The following SMC6 variants were observed in gnomAD, a reference collection of about 807,000 sequenced individuals.
The protein encoded by SMC6 is structural maintenance of chromosomes protein 6.
A neutral mutation model predicts 142.2 loss-of-function variants in SMC6; 79 were observed. That is an observed-to-expected ratio of 0.56 (90% confidence interval 0.46 to 0.67). The LOEUF (loss-of-function observed/expected upper bound fraction) is 0.67. Among genes scored for constraint, SMC6 ranks in the 30% least tolerant of loss-of-function variants. The probability of loss-of-function intolerance (pLI) is 0.00; values close to 1 mark genes in which losing one functional copy is unlikely to be tolerated. For missense variants in SMC6, 1,072 were observed against 1,284.0 expected (o/e 0.83, Z 2.52); for synonymous variants, 411 against 412.4 (o/e 1.00, Z 0.04).
At chr2:17,693,024 T>G (rs1667805592) in intron 23 of SMC6, among the ~76,000 whole-genome samples, 1 of 152,174 alleles carries the variant, frequency 6.6e-6, no homozygotes, top group Admixed American at 6.5e-5. Flanking sequence ...TCACACCAGT[T>G]AGAATGGCGA....
In SMC6 at chr2:17,741,491, C is replaced by A. The variant is rs565824660; in HGVS notation, c.238+121G>T. On this transcript the variant is annotated intron_variant, in intron 4 of 27. Coordinates refer to ENST00000448223, the MANE Select transcript of SMC6 (RefSeq NM_001142286.2). ...CAAATACCAAGAATATTCATAACCA[C>A]AAGTTATACATCTATAGAAAAAATA... 30 of 617,776 alleles carry A rather than the reference C, an allele frequency of 4.9e-5. No homozygotes were observed. In the African/African-American group the frequency reaches 5.2e-4, roughly 11 times the overall value. The allele number at this position is 617,776 out of a possible 1,614,324, so 38.3% of individuals were successfully genotyped here.
intron 16 of SMC6, among the ~76,000 whole-genome samples, chr2:17,711,863 C>T (rs567535090): frequency 2.6e-5 from 4 of 152,272 alleles, no homozygotes; most frequent in South Asian, 4.1e-4. Flanking sequence ...AAATGATCCA[C>T]GCGATTCGGC....
rs147449975 is a variant in SMC6 at position 17,721,223 on chromosome 2, C to T, written c.765G>A (p.Glu255=). Residue 255 remains glutamate, a synonymous_variant, in exon 10 of 28, where the codon GAG becomes GAA. Coordinates refer to ENST00000448223, the MANE Select transcript of SMC6 (RefSeq NM_001142286.2). ...TELKRQCVEK[E]ERFQSIAGLS... ...AACCAGCAATACTTTGAAAACGTTC[C>T]TCTTTCTCTACACACTGGCGCTTTA... 228 of 1,611,152 alleles carry T rather than the reference C, an allele frequency of 1.4e-4. 2 individuals are homozygous for T. In the African/African-American group the frequency reaches 2.7e-3, roughly 19 times the overall value.
chr2:17,677,840 G>A (rs972293204), intron 25 of SMC6, among the ~76,000 whole-genome samples: 20 of 152,056 alleles, frequency 1.3e-4, no homozygotes, highest in Non-Finnish European at 2.4e-4. Context: ...TTCTAATATG[G>A]TTAAAATGCA....
At chr2:17,739,868 A>T (rs1203334969) in intron 4 of SMC6, among the ~76,000 whole-genome samples, 1 of 133,194 alleles carries the variant, frequency 7.5e-6, no homozygotes, top group South Asian at 2.5e-4. Flanking sequence ...ACACACACAG[A>T]GAATATGGTA....
Position 17,741,556 on chromosome 2 carries a change from G to T in SMC6, c.238+56C>A, listed in dbSNP as rs1006942472. 8 of 1,073,252 alleles carry T rather than the reference G, an allele frequency of 7.5e-6. No homozygotes were observed. In the African/African-American group the frequency reaches 1.3e-4, roughly 17 times the overall value. 66.5% of individuals were successfully genotyped at this position (1,073,252 alleles called of 1,614,324 possible). ...TAGTCACCTATTTCAAAAAGTTAAC[G>T]TACTCTAATCTCAAAGTACTGCTCA... On this transcript the variant is annotated intron_variant, in intron 4 of 27. Coordinates refer to ENST00000448223, the MANE Select transcript of SMC6 (RefSeq NM_001142286.2).
At chr2:17,738,073 T>A (rs1035536949) in intron 5 of SMC6, 148 bp downstream of exon 5, 9 of 582,484 alleles carry the variant, frequency 1.5e-5, no homozygotes, top group East Asian at 5.7e-5. Context: ...CAACAAGGGG[T>A]AAAAGAAAGG....
chr2:17,715,049 A>G lies in SMC6; in HGVS notation c.1542T>C (p.Leu514=). Residue 514 remains leucine (L), a synonymous_variant, in exon 16 of 28, where the codon CTT becomes CTC. Transcript: ENST00000448223. ...TAGCCAAAGCAAGTTCTGGGTCCCG[A>G]AGATGAATGCAAGCTCCTAAAAGTG... is the stretch of plus-strand genomic sequence containing the variant. The part of the protein sequence containing the change: ...PVGPLGACIH[L]RDPELALAIE... 1 of 1,613,564 alleles carries G rather than the reference A, an allele frequency of 6.2e-7. No individual in the cohort carries two copies. Among genetic ancestry groups the G allele is most frequent in the East Asian group, 2.2e-5 (1 of 44,850 alleles).
At chr2:17,749,654 C>G (rs1670926653) in intron 2 of SMC6, among the ~76,000 whole-genome samples, 1 of 152,006 alleles carries the variant, frequency 6.6e-6, no homozygotes, top group South Asian at 2.1e-4. Flanking sequence ...TGCCACTGCA[C>G]TCCAGCCTGG....
chr2:17,666,367 T>G, intron 27 of SMC6, 53 bp downstream of exon 27: 1 of 1,269,580 alleles, frequency 7.9e-7, no homozygotes. Flanking sequence ...GTAAAAGATT[T>G]CTTTCCCCCT....
Position 17,715,880 on chromosome 2 carries a change from A to G in SMC6, c.1525+206T>C, listed in dbSNP as rs138422910. Among the ~76,000 whole-genome samples, 715 of 152,250 alleles carry G rather than the reference A, an allele frequency of 4.7e-3. 8 individuals carry two copies. Among genetic ancestry groups the G allele is most frequent in the African/African-American group, 0.016 (671 of 41,558 alleles). The stretch of plus-strand genomic sequence containing the variant: ...CAGAAAAACAAGAATCAAATCATTC[A>G]ACTCTATGATTACTTTTCCTTTTCC... On this transcript the variant is annotated intron_variant, in intron 15 of 27. Coordinates refer to ENST00000448223, the MANE Select transcript of SMC6 (RefSeq NM_001142286.2).
At chr2:17,681,027 A>G (rs1314847397) in intron 24 of SMC6, 1 of 152,190 alleles carries the variant, frequency 6.6e-6, no homozygotes, top group Non-Finnish European at 1.5e-5. Flanking sequence ...TAGTGTAGCC[A>G]CTTTCATCAG....
At chr2:17,744,925 C>A (rs1012765335) in intron 3 of SMC6, among the ~76,000 whole-genome samples, 2 of 152,110 alleles carry the variant, frequency 1.3e-5, no homozygotes, top group Non-Finnish European at 2.9e-5. Flanking sequence ...CTAAAATAAA[C>A]CCATTAATTA....
chr2:17,722,778 G>A lies in SMC6; in HGVS notation c.727-1517C>T, dbSNP rs940923914. ...CATGGCTTCTATGAGAATTTCTCAC[G>A]GTTCAGGCCTGGGCCCACTTTTCCC... On this transcript the variant is annotated intron_variant, in intron 9 of 27. Coordinates refer to ENST00000448223, the MANE Select transcript of SMC6 (RefSeq NM_001142286.2). Among the ~76,000 whole-genome samples the A allele has an allele frequency of 2.0e-5, 3 of 151,858 alleles. No individual in the cohort carries two copies. The South Asian group carries it at 6.3e-4, about 32-fold the overall frequency.
rs1196307865 is a variant in SMC6 at position 17,664,259 on chromosome 2, G to A, written c.*1240C>T. 6.6e-6 allele frequency: 1 copy of A among 152,142 alleles called. No homozygotes were observed. Among genetic ancestry groups the A allele is most frequent in the East Asian group, 1.9e-4 (1 of 5,196 alleles). 9.4% of individuals were successfully genotyped at this position (152,142 alleles called of 1,614,324 possible). The stretch of plus-strand genomic sequence containing the variant: ...TTCAGCACACACTTTCCTCCTCCTG[G>A]AAATTCTGATTAGAAAGCCCAAGTT... On this transcript the variant is annotated 3_prime_UTR_variant, in exon 28 of 28. Coordinates refer to ENST00000448223, the MANE Select transcript of SMC6 (RefSeq NM_001142286.2).
At chr2:17,740,087 T>C (rs1429287834) in intron 4 of SMC6, among the ~76,000 whole-genome samples, 1 of 152,156 alleles carries the variant, frequency 6.6e-6, no homozygotes, top group African/African-American at 2.4e-5. Context: ...TAACTCTCTT[T>C]TCTTCATTAC....
chr2:17,745,520 A>G (rs889476337), intron 3 of SMC6, among the ~76,000 whole-genome samples: 2 of 152,156 alleles, frequency 1.3e-5, no homozygotes, highest in Non-Finnish European at 2.9e-5. Flanking sequence ...GGATGTCTGC[A>G]GGGTCTGTGG....
Position 17,715,069 on chromosome 2 carries a change from A to G in SMC6, c.1526-4T>C, listed in dbSNP as rs925312739. ...TCCCGAAGATGAATGCAAGCTCCTAAAAGTGAGAGAAAATTACAGAAGGGC... is the reference window on the plus strand; with the variant it reads ...TCCCGAAGATGAATGCAAGCTCCTAGAAGTGAGAGAAAATTACAGAAGGGC... On this transcript the variant is annotated splice_polypyrimidine_tract_variant and splice_region_variant and intron_variant, in intron 15 of 27. Transcript: ENST00000448223. The G allele has an allele frequency of 1.2e-6, 2 of 1,610,244 alleles. No individual in the cohort carries two copies. Among genetic ancestry groups the G allele is most frequent in the African/African-American group, 2.7e-5 (2 of 74,572 alleles).
intron 7 of SMC6, among the ~76,000 whole-genome samples, chr2:17,727,121 G>A (rs1455988305): frequency 6.6e-6 from 1 of 152,144 alleles, no homozygotes; most frequent in African/African-American, 2.4e-5. Context: ...CTAACGTGAT[G>A]GTTATTACTG....
Sources: gnomAD v4.1 joint callset for allele counts (sites outside exome capture counted in the v4.1 genomes callset) on GRCh38, gnomAD v4.1.1 for gene constraint, MANE v1.5 for transcripts, NCBI Gene and HGNC (gene_info 2026-07-23, HGNC 2026-07-21) for gene names.